The following DCC variants were observed in gnomAD, a reference collection of about 807,000 sequenced individuals.
The protein encoded by DCC is DCC netrin 1 receptor, also known as netrin receptor DCC.
In DCC, 58 loss-of-function variants were observed where a neutral mutation model predicts 172.5. The ratio of observed to expected loss-of-function variants is 0.34; its 90% CI spans 0.27 to 0.42. DCC has a LOEUF of 0.42. Ranked by LOEUF, DCC falls within the 10% of genes least tolerant of loss-of-function variation. The pLI is 1.00. For synonymous variants in DCC, 709 were observed against 644.5 expected (o/e 1.10, Z -1.52); for missense variants, 1,740 against 1,791.0 (o/e 0.97, Z 0.51).
intron 15 of DCC, among the ~76,000 whole-genome samples, chr18:53,346,661 T>C (rs1389038999): frequency 6.6e-6 from 1 of 152,178 alleles, no homozygotes; most frequent in African/African-American, 2.4e-5. Context: ...TACTACTCTG[T>C]TGAGATTTTC....
intron 2 of DCC, among the ~76,000 whole-genome samples, chr18:52,761,678 T>C (rs1041349090): frequency 1.3e-5 from 2 of 152,110 alleles, no homozygotes; most frequent in Non-Finnish European, 2.9e-5. Context: ...CTGTGACTCT[T>C]AGTGCTCTAG....
intron 14 of DCC, among the ~76,000 whole-genome samples, chr18:53,322,836 A>C (rs12961704): frequency 0.1 from 15,757 of 151,810 alleles, 877 homozygotes; most frequent in Middle Eastern, 0.18. Flanking sequence ...TGACAGAATA[A>C]AACATTAAAT....
At chr18:52,683,492 AT>A (rs2091039007) in intron 1 of DCC, among the ~76,000 whole-genome samples, 1 of 152,098 alleles carries the variant, frequency 6.6e-6, no homozygotes, top group Non-Finnish European at 1.5e-5. Flanking sequence ...TGTGAATGTG[AT>A]TTAATATTAA....
At chr18:52,384,041 T>C (rs1192210643) in intron 1 of DCC, among the ~76,000 whole-genome samples, 1 of 152,196 alleles carries the variant, frequency 6.6e-6, no homozygotes, top group Non-Finnish European at 1.5e-5. Flanking sequence ...ATTTTTAATA[T>C]ATTAAAATAG....
intron 8 of DCC, among the ~76,000 whole-genome samples, chr18:53,173,956 G>T (rs1271866216): frequency 2.1e-5 from 2 of 95,698 alleles, no homozygotes; most frequent in Non-Finnish European, 4.1e-5. Context: ...AAATGTAAAA[G>T]AACAGAAATT....
chr18:52,709,052 C>T (rs186880955), intron 1 of DCC, among the ~76,000 whole-genome samples: 37 of 152,262 alleles, frequency 2.4e-4, no homozygotes, highest in Non-Finnish European at 4.6e-4. Flanking sequence ...TTTTCGCTAC[C>T]TCCATCCCTA....
chr18:53,269,735 G>C (rs1279873249), intron 12 of DCC, among the ~76,000 whole-genome samples: 2 of 152,202 alleles, frequency 1.3e-5, no homozygotes, highest in Middle Eastern at 3.4e-3. Context: ...GAAATGTTAA[G>C]GAACAGTCCC....
intron 2 of DCC, among the ~76,000 whole-genome samples, chr18:52,825,548 T>C (rs2038495132): frequency 6.6e-6 from 1 of 152,186 alleles, no homozygotes; most frequent in African/African-American, 2.4e-5. Context: ...AAATTACCTA[T>C]TTTTTGTCTA....
intron 1 of DCC, among the ~76,000 whole-genome samples, chr18:52,513,973 G>A (rs2031535161): frequency 6.6e-6 from 1 of 152,058 alleles, no homozygotes; most frequent in African/African-American, 2.4e-5. Context: ...TGTTCCTATT[G>A]CTTTATTTAT....
At chr18:53,269,690 T>C (rs2056726215) in intron 12 of DCC, among the ~76,000 whole-genome samples, 1 of 152,162 alleles carries the variant, frequency 6.6e-6, no homozygotes, top group African/African-American at 2.4e-5. Flanking sequence ...AGACTATTAT[T>C]GAACCCTTTT....
At chr18:52,751,957 A>AG in intron 1 of DCC, 97 bp from the exon 2 acceptor site, 1 of 1,058,912 alleles carries the variant, frequency 9.4e-7, no homozygotes, top group East Asian at 2.5e-5. Flanking sequence ...CAAAGCCCTC[A>AG]GCTTTTGTGA....
At chr18:53,505,020 C>T (rs753112245) in intron 27 of DCC, among the ~76,000 whole-genome samples, 48 of 151,958 alleles carry the variant, frequency 3.2e-4, no homozygotes, top group Non-Finnish European at 5.6e-4. Context: ...TGACTTTTTC[C>T]CCCCCTAAAA....
intron 9 of DCC, among the ~76,000 whole-genome samples, chr18:53,200,881 T>G (rs1313089736): frequency 6.6e-6 from 1 of 152,162 alleles, no homozygotes; most frequent in Non-Finnish European, 1.5e-5. Flanking sequence ...ACAGTTCATT[T>G]GCAGCTTCTC....
chr18:52,928,999 C>T (rs2040261285), intron 5 of DCC, among the ~76,000 whole-genome samples: 1 of 152,086 alleles, frequency 6.6e-6, no homozygotes, highest in African/African-American at 2.4e-5. Flanking sequence ...TCTCTTCAAA[C>T]TTCCAGGCTC....
chr18:53,516,827 G>C (rs1459456822), intron 27 of DCC, among the ~76,000 whole-genome samples: 23 of 141,742 alleles, frequency 1.6e-4, no homozygotes, highest in African/African-American at 2.7e-4. Flanking sequence ...TGGAGAAATA[G>C]GAACACTTTG....
chr18:53,295,467 C>T (rs1168873334), intron 12 of DCC, among the ~76,000 whole-genome samples: 1 of 151,918 alleles, frequency 6.6e-6, no homozygotes, highest in Non-Finnish European at 1.5e-5. Flanking sequence ...AGAATTTTTT[C>T]ATAGATATTT....
Position 52,621,617 on chromosome 18 carries a change from G to T in DCC, c.92-130437G>T, listed in dbSNP as rs528949600. Among the ~76,000 whole-genome samples the T allele has an allele frequency of 2.6e-5, 4 of 152,244 alleles. No homozygotes were observed. In the South Asian group the frequency reaches 8.3e-4, roughly 32 times the overall value. On this transcript the variant is annotated intron_variant, in intron 1 of 28. Transcript: ENST00000442544. ...ACTTTTGCAAAAAGGAAATTATACT[G>T]CCCAACTCATCAGCTTAAAGGGAGA...
chr18:52,348,635 G>T (rs955797653), intron 1 of DCC, among the ~76,000 whole-genome samples: 3 of 152,110 alleles, frequency 2.0e-5, no homozygotes, highest in Non-Finnish European at 4.4e-5. Flanking sequence ...AGCAACATTT[G>T]CTTTTAGACC....
intron 1 of DCC, among the ~76,000 whole-genome samples, chr18:52,501,194 C>T (rs532070790): frequency 2.0e-5 from 3 of 152,218 alleles, no homozygotes; most frequent in East Asian, 3.9e-4. Context: ...TGGCTTTACA[C>T]GTTGCTGCTG....
Sources: gnomAD v4.1 joint callset for allele counts (sites outside exome capture counted in the v4.1 genomes callset) on GRCh38, gnomAD v4.1.1 for gene constraint, MANE v1.5 for transcripts, NCBI Gene and HGNC (gene_info 2026-07-23, HGNC 2026-07-21) for gene names.